The following CDH23 variants were observed in gnomAD, a reference collection of about 807,000 sequenced individuals.
CDH23 encodes the protein cadherin related 23.
Under a neutral mutation model 317.1 loss-of-function variants are expected in CDH23, and 189 were observed. The observed-to-expected ratio is 0.60, with a 90% CI of 0.53 to 0.67. CDH23 has a LOEUF of 0.67. Among genes scored for constraint, CDH23 ranks in the 30% least tolerant of loss-of-function variants. CDH23 has a pLI of 0.00. For synonymous variants in CDH23, 1,839 were observed against 1,876.8 expected (o/e 0.98, Z 0.52); for missense variants, 4,401 against 4,592.4 (o/e 0.96, Z 1.20).
intron 3 of CDH23, among the ~76,000 whole-genome samples, chr10:71,456,790 C>A (rs1185912662): frequency 6.6e-6 from 1 of 152,212 alleles, no homozygotes; most frequent in Non-Finnish European, 1.5e-5. Flanking sequence ...AAAAGTGAGT[C>A]TTATAACCCT....
intron 14 of CDH23, among the ~76,000 whole-genome samples, chr10:71,648,189 C>CT (rs1338622812): frequency 6.6e-6 from 1 of 152,222 alleles, no homozygotes; most frequent in Non-Finnish European, 1.5e-5. Context: ...ACTCCTCCAG[C>CT]TTTCACCAAG....
intron 38 of CDH23, among the ~76,000 whole-genome samples, chr10:71,766,551 G>A (rs986432551): frequency 2.0e-5 from 3 of 152,182 alleles, no homozygotes; most frequent in Non-Finnish European, 2.9e-5. Context: ...CTGAGCCTCC[G>A]TTTCTTCATC....
intron 6 of CDH23, among the ~76,000 whole-genome samples, chr10:71,554,106 A>G (rs1259077309): frequency 6.6e-6 from 1 of 152,230 alleles, no homozygotes; most frequent in Non-Finnish European, 1.5e-5. Flanking sequence ...TTTACTGAGC[A>G]CCTATTATGC....
At chr10:71,810,842 A>G (rs1253204681) in intron 62 of CDH23, among the ~76,000 whole-genome samples, 1 of 152,174 alleles carries the variant, frequency 6.6e-6, no homozygotes, top group African/African-American at 2.4e-5. Flanking sequence ...GCACTTTGGG[A>G]GGCCAAGCCA....
intron 3 of CDH23, among the ~76,000 whole-genome samples, chr10:71,456,172 G>C (rs982415074): frequency 2.7e-5 from 4 of 150,900 alleles, no homozygotes; most frequent in Admixed American, 6.6e-5. Flanking sequence ...GGGGCTGTTG[G>C]CAAGTGGGCT....
At chr10:71,402,567 C>T (rs76314673) in intron 1 of CDH23, among the ~76,000 whole-genome samples, 358 of 152,344 alleles carry the variant, frequency 2.3e-3, no homozygotes, top group African/African-American at 7.8e-3. Flanking sequence ...GCACAGTATA[C>T]ATGCAAAATG....
chr10:71,529,418 G>A (rs911591761), intron 6 of CDH23, among the ~76,000 whole-genome samples: 1 of 152,150 alleles, frequency 6.6e-6, no homozygotes, highest in Non-Finnish European at 1.5e-5. Context: ...ATGCAGCCCA[G>A]CACTGCTCAC....
At position 71,790,400 on chromosome 10, in the gene CDH23, C is replaced by A; in HGVS notation, c.6036C>A (p.Ile2012=). 2 of 1,613,130 alleles carry A rather than the reference C, an allele frequency of 1.2e-6. No homozygotes were observed. Among genetic ancestry groups the A allele is most frequent in the Non-Finnish European group, 1.7e-6 (2 of 1,179,738 alleles). Residue 2012 remains isoleucine (I), a synonymous_variant, in exon 46 of 70, where the codon ATC becomes ATA. Coordinates refer to ENST00000224721, the MANE Select transcript of CDH23 (RefSeq NM_022124.6). ...GTGCCCAGAGTGGCCTCTTTGACAT[C>A]AACAGCAGCACCGGTGAGGCCTCTG... ...LLGAQSGLFD[I]NSSTGVVTVR...
At chr10:71,727,768 T>TGGCACAGCACTGGACA (rs1173721793) in intron 30 of CDH23, among the ~76,000 whole-genome samples, 1 of 152,174 alleles carries the variant, frequency 6.6e-6, no homozygotes, top group African/African-American at 2.4e-5. Context: ...AGCACTGCAC[T>TGGCACAGCACTGGACA]GGCACAGCAC....
At chr10:71,622,316 C>T (rs1564693103) in intron 11 of CDH23, among the ~76,000 whole-genome samples, 1 of 152,230 alleles carries the variant, frequency 6.6e-6, no homozygotes, top group Admixed American at 6.5e-5. Context: ...CTGCAGCCCT[C>T]CCCTGCCTCA....
At position 71,403,413 on chromosome 10, in the gene CDH23, C is replaced by T. The variant is rs1173115968; in HGVS notation, c.-6+6095C>T. Among the ~76,000 whole-genome samples, 115 of 30,214 alleles carry T rather than the reference C, an allele frequency of 3.8e-3. 8 individuals carry two copies. Among genetic ancestry groups the T allele is most frequent in the African/African-American group, 0.022 (71 of 3,284 alleles). The allele number at this position is 30,214 out of a possible 152,430, so 19.8% of individuals were successfully genotyped here. Reference sequence around the variant, plus strand: ...TTTCTTTCTTTCTTTCTTTCTCTTCCTTCCTTCCTTCCTTCCTTCCTTCCT... The same window carrying T: ...TTTCTTTCTTTCTTTCTTTCTCTTCTTTCCTTCCTTCCTTCCTTCCTTCCT... On this transcript the variant is annotated intron_variant, in intron 1 of 69. Coordinates refer to ENST00000224721, the MANE Select transcript of CDH23 (RefSeq NM_022124.6).
chr10:71,586,454 C>T (rs1200755090), intron 9 of CDH23, among the ~76,000 whole-genome samples: 6 of 152,160 alleles, frequency 3.9e-5, no homozygotes, highest in African/African-American at 9.7e-5. Context: ...TCTCGGCTCA[C>T]GATTAACATT....
intron 20 of CDH23, among the ~76,000 whole-genome samples, chr10:71,693,927 C>T (rs1401858003): frequency 6.6e-6 from 1 of 152,102 alleles, no homozygotes; most frequent in African/African-American, 2.4e-5. Flanking sequence ...GGTTATGTTG[C>T]CCAGCCCTGG....
chr10:71,646,069 C>A, intron 13 of CDH23, 89 bp downstream of exon 13: 1 of 1,469,220 alleles, frequency 6.8e-7, no homozygotes. Context: ...CCTTAGATCC[C>A]ACCTTCCACT....
chr10:71,731,740 T>G (rs965783006), intron 31 of CDH23, among the ~76,000 whole-genome samples: 12 of 152,064 alleles, frequency 7.9e-5, no homozygotes, highest in African/African-American at 2.9e-4. Context: ...CCCAACTCTT[T>G]CTGTCCTATC....
At chr10:71,773,584 G>T in intron 38 of CDH23, 1 of 666,546 alleles carries the variant, frequency 1.5e-6, no homozygotes, top group Non-Finnish European at 2.3e-6. Context: ...CGCCCCCTTC[G>T]CGCAGCGCCC....
At chr10:71,646,817 A>G (rs1162603586) in intron 14 of CDH23, 200 bp downstream of exon 14, 2 of 1,505,334 alleles carry the variant, frequency 1.3e-6, no homozygotes, top group Non-Finnish European at 1.8e-6. Flanking sequence ...TGCAATATGG[A>G]AAAGGAGCCA....
At chr10:71,609,951 C>CGTGTGTGT (rs34311857) in intron 9 of CDH23, among the ~76,000 whole-genome samples, 261 of 142,862 alleles carry the variant, frequency 1.8e-3, no homozygotes, top group Middle Eastern at 7.2e-3. Context: ...AGGACTCCCC[C>CGTGTGTGT]GTGTGTGTGT....
intron 1 of CDH23, among the ~76,000 whole-genome samples, chr10:71,403,314 T>TCTTTCTTCCTTC (rs1847873707): frequency 4.9e-5 from 5 of 102,772 alleles, no homozygotes; most frequent in African/African-American, 2.9e-4. Context: ...TCTTTCTCTT[T>TCTTTCTTCCTTC]CTTCCTTCCT....
Sources: allele counts gnomAD v4.1 joint callset (sites outside exome capture counted in the v4.1 genomes callset), GRCh38; gene constraint gnomAD v4.1.1; transcripts MANE v1.5; gene names NCBI Gene and HGNC (gene_info 2026-07-23, HGNC 2026-07-21).